The following TNS4 variants were observed in gnomAD, a reference collection of about 807,000 sequenced individuals.
TNS4 encodes tensin-4.
In TNS4, 46 loss-of-function variants were observed where a neutral mutation model predicts 70.4. That is an observed-to-expected ratio of 0.65 (90% CI 0.52 to 0.84). TNS4 has a LOEUF of 0.84. TNS4 is among the 40% of genes least tolerant of loss of function. The pLI is 0.00. For synonymous variants in TNS4, 390 were observed against 366.6 expected (o/e 1.06, Z -0.73); for missense variants, 863 against 907.0 (o/e 0.95, Z 0.62).
rs1210274997 is a variant in TNS4 at position 40,478,085 on chromosome 17, T to G, written c.2006+222A>C. On this transcript the variant is annotated intron_variant, in intron 12 of 12. Coordinates refer to ENST00000254051, the MANE Select transcript of TNS4 (RefSeq NM_032865.6). ...TGAGGCTCCCTGAAGTTAGAGCCTG[T>G]GCCTCTTGCAGAAGATTGAGGGCTC... The G allele has an allele frequency of 4.7e-6, 3 of 632,348 alleles. No homozygotes were observed. The East Asian group carries it at 8.2e-5, about 17-fold the overall frequency. The allele number at this position is 632,348 out of a possible 1,614,324, so 39.2% of individuals were successfully genotyped here.
Position 40,487,292 on chromosome 17 carries a change from T to C in TNS4, c.1032A>G (p.Gln344=). 6.2e-7 allele frequency: 1 copy of C among 1,614,074 alleles called. No homozygotes were observed. Among genetic ancestry groups the C allele is most frequent in the African/African-American group, 1.3e-5 (1 of 75,016 alleles). The part of the protein sequence containing the change: ...APRNPTLTMG[Q]PRTPHSPPLA... ...GTGGTGGAGAGTGGGGTGTTCTGGG[T>C]TGGCCCATGGTTAGGGTGGGGTTTC... Residue 344 remains glutamine, a synonymous_variant, in exon 4 of 13, where the codon CAA becomes CAG. Transcript: ENST00000254051.
At chr17:40,489,709 C>A (rs918635604) in intron 2 of TNS4, among the ~76,000 whole-genome samples, 1 of 150,430 alleles carries the variant, frequency 6.6e-6, no homozygotes, top group Admixed American at 6.6e-5. Flanking sequence ...GTACAAGAAT[C>A]GCTTGAACCC....
rs2036146156 is a variant in TNS4, at chr17:40,496,398, G to T, written c.28C>A (p.Leu10Met). Residue 10 changes from leucine to methionine, a missense_variant, in exon 2 of 13, where the codon CTG (leucine) becomes ATG (methionine). Leu to Met is a conservative substitution (Grantham distance 15, BLOSUM62 2). Transcript: ENST00000254051. Reference sequence around the variant, plus strand: ...AAGCTGACAGCATGGCCTCCTGCCAGCAGTGGGCTGGACATCACCTGGGAC... The same window carrying T: ...AAGCTGACAGCATGGCCTCCTGCCATCAGTGGGCTGGACATCACCTGGGAC... MSQVMSSPLLAGGHAVSLAP... is the reference protein window; with the variant it reads MSQVMSSPLMAGGHAVSLAP... 6.2e-7 allele frequency: 1 copy of T among 1,612,742 alleles called. No individual in the cohort carries two copies.
rs745659131 is a variant in TNS4 at position 40,488,781 on chromosome 17, C to G, written c.628G>C (p.Gly210Arg). The change falls in exon 3 of 13, where the codon GGG becomes CGG. Residue 210 changes from glycine (G) to arginine (R), a missense_variant. Coordinates refer to ENST00000254051, the MANE Select transcript of TNS4 (RefSeq NM_032865.6). ...SLIFSGNQGR[G>R]HQRPLPPSEG... The stretch of plus-strand genomic sequence containing the variant: ...GAGGGGGGCAGAGGGCGCTGGTGCC[C>G]CCTGCCCTGGTTCCCAGAGAAGATG... The G allele has an allele frequency of 3.1e-6, 5 of 1,612,136 alleles. No homozygotes were observed. Among genetic ancestry groups the G allele is most frequent in the Non-Finnish European group, 4.2e-6 (5 of 1,179,502 alleles).
intron 12 of TNS4, 25 bp downstream of exon 12, chr17:40,478,282 G>T: frequency 6.2e-7 from 1 of 1,613,796 alleles, no homozygotes; most frequent in East Asian, 2.2e-5. Flanking sequence ...GTTGGGTTTG[G>T]GGCCCTGAGA....
intron 4 of TNS4, among the ~76,000 whole-genome samples, chr17:40,486,297 C>A (rs955308680): frequency 6.6e-6 from 1 of 152,160 alleles, no homozygotes. Context: ...CATCTGCGAA[C>A]GTCAGAGTCA....
chr17:40,482,269 C>T (rs1194342487), intron 7 of TNS4, 55 bp downstream of exon 7: 36 of 1,613,842 alleles, frequency 2.2e-5, no homozygotes, highest in Non-Finnish European at 2.7e-5. Context: ...CAGCTCACAA[C>T]GGAGACTTCG....
Position 40,488,570 on chromosome 17 carries a change from G to A in TNS4, c.839C>T (p.Ser280Phe), listed in dbSNP as rs749848807. ...RISVLSASPV[S>F]DVSYMFGSSQ... ...CCTTCCAAACATATAGCTGACATCA[G>A]ACACTGGGCTGGCTGACAGCACAGA... The change falls in exon 3 of 13, where the codon TCT becomes TTT. Residue 280 changes from serine to phenylalanine, a missense_variant. By Grantham distance (155) the Ser-to-Phe change is radical. Transcript: ENST00000254051. 1.3e-6 allele frequency: 2 copies of A among 1,510,984 alleles called. No individual in the cohort carries two copies. The highest frequency in any genetic ancestry group is 4.6e-5 in the Admixed American group (2 of 43,626). The allele number at this position is 1,510,984 out of a possible 1,614,324, so 93.6% of individuals were successfully genotyped here.
chr17:40,500,878 TC>T (rs1347412364), intron 1 of TNS4, among the ~76,000 whole-genome samples: 2 of 144,942 alleles, frequency 1.4e-5, no homozygotes, highest in African/African-American at 5.0e-5. Flanking sequence ...CCGCCCCATC[TC>T]CCAGTCCTGT....
intron 12 of TNS4, chr17:40,478,051 C>A: frequency 3.3e-6 from 2 of 611,498 alleles, no homozygotes. Flanking sequence ...CTGGGACATT[C>A]CAATAGCTTG....
In TNS4 at chr17:40,487,089, G is replaced by T; in HGVS notation, c.1235C>A (p.Thr412Asn). The change falls in exon 4 of 13, where the codon ACC becomes AAC. Residue 412 changes from threonine to asparagine, a missense_variant. Physicochemically the swap from Thr to Asn is moderately conservative, Grantham distance 65. Transcript: ENST00000254051. Reference sequence around the variant, plus strand: ...TGACAGGGTCTGGCTGTTGCTCCTGGTGGCTGGACAGGGGTTGCTGGGAGA... The same window carrying T: ...TGACAGGGTCTGGCTGTTGCTCCTGTTGGCTGGACAGGGGTTGCTGGGAGA... ...AASPSNPCPA[T>N]RSNSQTLSDA... 6.2e-7 allele frequency: 1 copy of T among 1,614,240 alleles called. No homozygotes were observed. Among genetic ancestry groups the T allele is most frequent in the Non-Finnish European group, 8.5e-7 (1 of 1,180,042 alleles).
At chr17:40,494,273 C>A (rs536712692) in intron 2 of TNS4, among the ~76,000 whole-genome samples, 87 of 152,208 alleles carry the variant, frequency 5.7e-4, no homozygotes, top group Non-Finnish European at 5.9e-5. Flanking sequence ...CCCATAACAC[C>A]CTTTGAGGTA....
intron 1 of TNS4, 100 bp from the exon 2 acceptor site, chr17:40,496,620 A>G (rs1386896556): frequency 6.7e-6 from 4 of 600,870 alleles, no homozygotes; most frequent in African/African-American, 5.8e-5. Flanking sequence ...ATTTAAAAGC[A>G]TGGATGCTGG....
At position 40,484,998 on chromosome 17, in the gene TNS4, C is replaced by CT; in HGVS notation, c.1297dup (p.Arg433LysfsTer15). The CT allele has an allele frequency of 6.2e-7, 1 of 1,614,210 alleles. No individual in the cohort carries two copies. Among genetic ancestry groups the CT allele is most frequent in the Non-Finnish European group, 8.5e-7 (1 of 1,180,040 alleles). On this transcript the variant is annotated frameshift_variant, in exon 5 of 13. Coordinates refer to ENST00000254051, the MANE Select transcript of TNS4 (RefSeq NM_032865.6). LOFTEE classifies it high-confidence loss of function. ...GAACTTCATGGTGGGCTGCATGTCC[C>CT]TGGCGGGACCTGGAGACAGACAGAG...
intron 6 of TNS4, among the ~76,000 whole-genome samples, 169 bp from the exon 7 acceptor site, chr17:40,482,585 G>GACACACACACACACAC (rs3833860): frequency 6.9e-6 from 1 of 144,996 alleles, no homozygotes; most frequent in Admixed American, 6.9e-5. Context: ...CTCTACTAAA[G>GACACACACACACACAC]ACACACACAC....
intron 12 of TNS4, 75 bp from the exon 13 acceptor site, chr17:40,477,804 G>T: frequency 7.0e-7 from 1 of 1,427,508 alleles, no homozygotes; most frequent in Non-Finnish European, 9.8e-7. Context: ...GGGTGGTGGG[G>T]GGCCCTCAGC....
intron 8 of TNS4, among the ~76,000 whole-genome samples, chr17:40,481,232 G>A (rs552290255): frequency 6.6e-6 from 1 of 152,324 alleles, no homozygotes; most frequent in Admixed American, 6.5e-5. Context: ...CTACCTGGCT[G>A]TATGCTCTGG....
chr17:40,497,934 T>G (rs1220112379), intron 1 of TNS4, among the ~76,000 whole-genome samples: 1 of 152,234 alleles, frequency 6.6e-6, no homozygotes, highest in Non-Finnish European at 1.5e-5. Flanking sequence ...CTGTGAAAAG[T>G]CCTTTCCATT....
Position 40,482,133 on chromosome 17 carries a change from C to T in TNS4, c.1668G>A (p.Gln556=), listed in dbSNP as rs1189690653. The T allele has an allele frequency of 6.2e-7, 1 of 1,614,186 alleles. No homozygotes were observed. ...LALPCKLTIP[Q]RELGGADGAS... ...CTCTTTGGGGCCCAGACCCACCTCT[C>T]TGTGGGATGGTGAGTTTGCAGGGCA... is the stretch of plus-strand genomic sequence containing the variant. Residue 556 remains glutamine (Q), a synonymous_variant, in exon 8 of 13, where the codon CAG becomes CAA. Coordinates refer to ENST00000254051, the MANE Select transcript of TNS4 (RefSeq NM_032865.6).
Sources: allele counts gnomAD v4.1 joint callset (sites outside exome capture counted in the v4.1 genomes callset), GRCh38; gene constraint gnomAD v4.1.1; transcripts MANE v1.5; gene names NCBI Gene and HGNC (gene_info 2026-07-23, HGNC 2026-07-21).